Variants in SLCO6A1 observed in about 807,000 individuals in gnomAD.
SLCO6A1 encodes the protein solute carrier organic anion transporter family member 6A1.
Under a neutral mutation model 72.7 loss-of-function variants are expected in SLCO6A1, and 65 were observed. That is an observed-to-expected ratio of 0.89 (90% CI 0.73 to 1.10). The LOEUF (loss-of-function observed/expected upper bound fraction) is 1.10. Among genes scored for constraint, SLCO6A1 ranks in the 50% least tolerant of loss-of-function variants. The pLI is 0.00. For missense variants in SLCO6A1, 874 were observed against 872.6 expected (o/e 1.00, Z -0.02); for synonymous variants, 314 against 298.2 (o/e 1.05, Z -0.55).
chr5:102,396,049 G>A (rs1018792706), intron 10 of SLCO6A1, among the ~76,000 whole-genome samples: 1 of 151,956 alleles, frequency 6.6e-6, no homozygotes, highest in African/African-American at 2.4e-5. Flanking sequence ...AGTTTAATTA[G>A]ATCCCATTTG....
chr5:102,419,968 C>A lies in SLCO6A1; in HGVS notation c.1330G>T (p.Val444Phe). 3 of 1,598,150 alleles carry A rather than the reference C, an allele frequency of 1.9e-6. No homozygotes were observed. The South Asian group carries it at 3.4e-5, about 18-fold the overall frequency. Residue 444 changes from valine to phenylalanine, a missense_variant, in exon 8 of 14, where the codon GTT becomes TTT. Physicochemically the swap from Val to Phe is conservative, Grantham distance 50 (BLOSUM62 -1). Transcript: ENST00000506729. ...TTACAAGACATTTCTAATGTGGAAA[C>A]AATGACACCTCCCAGAAGCTGGCCA... ...ALGQLLGGVIVSTLEMSCKAL... is the reference protein window; with the variant it reads ...ALGQLLGGVIFSTLEMSCKAL...
At chr5:102,432,750 A>G (rs1749289877) in intron 7 of SLCO6A1, among the ~76,000 whole-genome samples, 1 of 152,146 alleles carries the variant, frequency 6.6e-6, no homozygotes, top group Non-Finnish European at 1.5e-5. Flanking sequence ...ATTATGTCTT[A>G]GGGATGATGT....
intron 12 of SLCO6A1, among the ~76,000 whole-genome samples, chr5:102,384,140 G>T (rs1395481370): frequency 2.0e-5 from 3 of 151,578 alleles, no homozygotes; most frequent in African/African-American, 7.3e-5. Context: ...TCTTTATTTT[G>T]TTATTTTTTT....
At chr5:102,408,920 G>A (rs2112575555) in intron 9 of SLCO6A1, among the ~76,000 whole-genome samples, 2 of 152,126 alleles carry the variant, frequency 1.3e-5, no homozygotes, top group East Asian at 3.9e-4. Flanking sequence ...TTAATCCTTT[G>A]GATGTGATTT....
In SLCO6A1 at chr5:102,436,757, C is replaced by T. The variant is rs72779975; in HGVS notation, c.1276+1860G>A. Among the ~76,000 whole-genome samples, 662 of 152,304 alleles carry T rather than the reference C, an allele frequency of 4.3e-3. 2 individuals are homozygous for T. The highest frequency in any genetic ancestry group is 0.017 in the Middle Eastern group (5 of 294). On this transcript the variant is annotated intron_variant, in intron 7 of 13. Transcript: ENST00000506729. ...TATAACACTCACTGACTCCCTAAAACAGCTACCATTTGAAAAGCAACTACT... is the reference window on the plus strand; with the variant it reads ...TATAACACTCACTGACTCCCTAAAATAGCTACCATTTGAAAAGCAACTACT...
At chr5:102,411,291 T>A (rs1747967086) in intron 9 of SLCO6A1, among the ~76,000 whole-genome samples, 1 of 151,838 alleles carries the variant, frequency 6.6e-6, no homozygotes, top group African/African-American at 2.4e-5. Context: ...ATGAGATATG[T>A]TCTCACTCTG....
chr5:102,415,934 T>C (rs1397416893), intron 8 of SLCO6A1, among the ~76,000 whole-genome samples: 1 of 152,078 alleles, frequency 6.6e-6, no homozygotes, highest in Non-Finnish European at 1.5e-5. Flanking sequence ...AACATACAAA[T>C]AGCCAACAGG....
At chr5:102,494,809 A>G (rs1469462098) in intron 1 of SLCO6A1, among the ~76,000 whole-genome samples, 1 of 152,198 alleles carries the variant, frequency 6.6e-6, no homozygotes, top group Non-Finnish European at 1.5e-5. Context: ...CAGGATCGCA[A>G]ATGGTACAGC....
At chr5:102,407,415 C>G (rs1466357370) in intron 9 of SLCO6A1, among the ~76,000 whole-genome samples, 1 of 152,138 alleles carries the variant, frequency 6.6e-6, no homozygotes, top group Admixed American at 6.5e-5. Context: ...TACTGTATAC[C>G]AGTGCTTCAA....
intron 7 of SLCO6A1, among the ~76,000 whole-genome samples, chr5:102,428,206 A>G (rs1240082172): frequency 6.6e-6 from 1 of 152,016 alleles, no homozygotes; most frequent in Non-Finnish European, 1.5e-5. Flanking sequence ...CAAGATATCT[A>G]AAACTGTTCA....
intron 4 of SLCO6A1, among the ~76,000 whole-genome samples, chr5:102,475,434 G>A (rs972826726): frequency 6.6e-5 from 10 of 151,966 alleles, no homozygotes; most frequent in Admixed American, 5.9e-4. Context: ...TTGCATTTTT[G>A]CAAGATGCAA....
intron 6 of SLCO6A1, among the ~76,000 whole-genome samples, chr5:102,450,136 C>T (rs1189035077): frequency 9.2e-5 from 14 of 152,128 alleles, no homozygotes; most frequent in Admixed American, 9.2e-4. Context: ...TCATTTCAAC[C>T]ATTTCATCCT....
chr5:102,488,728 C>T (rs74997011), intron 1 of SLCO6A1, among the ~76,000 whole-genome samples: 4,483 of 152,212 alleles, frequency 0.029, 209 homozygotes, highest in African/African-American at 0.1. Flanking sequence ...GAGATATCAG[C>T]GTTCCATATT....
intron 6 of SLCO6A1, among the ~76,000 whole-genome samples, chr5:102,452,703 C>A (rs532385652): frequency 1.3e-5 from 2 of 152,020 alleles, no homozygotes; most frequent in African/African-American, 2.4e-5. Flanking sequence ...ATAATCCATT[C>A]GAAAAATAGC....
At chr5:102,497,465 TCTCTGC>T (rs1443593131) in intron 1 of SLCO6A1, among the ~76,000 whole-genome samples, 1 of 152,150 alleles carries the variant, frequency 6.6e-6, no homozygotes, top group Admixed American at 6.5e-5. Flanking sequence ...AACAATATCC[TCTCTGC>T]AGCTGGCTAT....
At chr5:102,428,850 T>C (rs1412965623) in intron 7 of SLCO6A1, among the ~76,000 whole-genome samples, 1 of 152,202 alleles carries the variant, frequency 6.6e-6, no homozygotes, top group Non-Finnish European at 1.5e-5. Flanking sequence ...TAGTTTTGCC[T>C]TTAGCTCTTT....
At position 102,438,751 on chromosome 5, in the gene SLCO6A1, T is replaced by C. The variant is rs17150488; in HGVS notation, c.1142A>G (p.Lys381Arg). 0.057 allele frequency: 87,252 copies of C among 1,532,218 alleles called. 2,887 individuals carry two copies. The highest frequency in any genetic ancestry group is 0.1 in the African/African-American group (7,281 of 70,856). 94.9% of individuals were successfully genotyped at this position (1,532,218 alleles called of 1,614,324 possible). Reference protein sequence around the residue: ...DLCAALWILMKNPVLICLALS... With the variant: ...DLCAALWILMRNPVLICLALS... ...AGCTAGGCATATGAGCACTGGATTC[T>C]TCATCAGAATCTGAAATAAAAATAA... Residue 381 changes from lysine (K) to arginine (R), a missense_variant, in exon 7 of 14, where the codon AAG (lysine) becomes AGG (arginine). Coordinates refer to ENST00000506729, the MANE Select transcript of SLCO6A1 (RefSeq NM_173488.5).
intron 9 of SLCO6A1, among the ~76,000 whole-genome samples, chr5:102,403,127 G>C (rs1747488013): frequency 6.6e-6 from 1 of 152,186 alleles, no homozygotes; most frequent in Non-Finnish European, 1.5e-5. Context: ...CTGCTCTGCT[G>C]AGTGTGGAAT....
intron 10 of SLCO6A1, among the ~76,000 whole-genome samples, chr5:102,399,235 T>C (rs1747263735): frequency 6.6e-6 from 1 of 151,354 alleles, no homozygotes; most frequent in Non-Finnish European, 1.5e-5. Context: ...TGACCAATTA[T>C]AATGAGTTAA....
Sources: allele counts gnomAD v4.1 joint callset (sites outside exome capture counted in the v4.1 genomes callset), GRCh38; gene constraint gnomAD v4.1.1; transcripts MANE v1.5; gene names NCBI Gene and HGNC (gene_info 2026-07-23, HGNC 2026-07-21).